Variants in ROR2 observed in about 807,000 individuals in gnomAD.
ROR2 encodes tyrosine-protein kinase transmembrane receptor ROR2.
Under a neutral mutation model 74.9 loss-of-function variants are expected in ROR2, and 33 were observed. The ratio of observed to expected loss-of-function variants is 0.44; its 90% CI spans 0.33 to 0.59. The LOEUF (loss-of-function observed/expected upper bound fraction) is 0.59, where lower values mean the gene tolerates loss of function less well. Among genes scored for constraint, ROR2 ranks in the 20% least tolerant of loss-of-function variants. The pLI is 0.02. For missense variants in ROR2, 1,216 were observed against 1,313.8 expected, an observed-to-expected ratio of 0.93 and a Z score of 1.15; for synonymous variants, 586 against 558.7, an observed-to-expected ratio of 1.05 and a Z score of -0.69.
intron 1 of ROR2, among the ~76,000 whole-genome samples, chr9:91,842,694 T>G (rs1828819057): frequency 6.6e-6 from 1 of 152,232 alleles, no homozygotes; most frequent in Admixed American, 6.5e-5. Flanking sequence ...ATTCCACCTC[T>G]GGAATCAGAG....
At chr9:91,756,233 G>C in intron 3 of ROR2, 132 bp from the exon 4 acceptor site, 1 of 804,566 alleles carries the variant, frequency 1.2e-6, no homozygotes, top group South Asian at 1.4e-5. Flanking sequence ...TCGGGCCTCA[G>C]GCTCCACTCG....
At chr9:91,900,024 T>C (rs1830632184) in intron 1 of ROR2, among the ~76,000 whole-genome samples, 1 of 152,334 alleles carries the variant, frequency 6.6e-6, no homozygotes, top group East Asian at 1.9e-4. Context: ...AGTAAAACAT[T>C]AATCGATAAG....
At chr9:91,778,748 C>T (rs1034954728) in intron 1 of ROR2, among the ~76,000 whole-genome samples, 5 of 152,162 alleles carry the variant, frequency 3.3e-5, no homozygotes, top group African/African-American at 1.2e-4. Flanking sequence ...GTATGACAGG[C>T]ACAGTGCCCT....
At chr9:91,860,513 C>T (rs1371420106) in intron 1 of ROR2, among the ~76,000 whole-genome samples, 1 of 152,192 alleles carries the variant, frequency 6.6e-6, no homozygotes, top group African/African-American at 2.4e-5. Flanking sequence ...GGAACTGGCT[C>T]ACAGCGATCA....
At chr9:91,844,841 G>GC (rs1367618325) in intron 1 of ROR2, among the ~76,000 whole-genome samples, 1 of 152,116 alleles carries the variant, frequency 6.6e-6, no homozygotes, top group Non-Finnish European at 1.5e-5. Flanking sequence ...AGCAAGCCTC[G>GC]CCCCAGGTCC....
intron 1 of ROR2, among the ~76,000 whole-genome samples, chr9:91,815,873 G>T (rs533868139): frequency 1.2e-3 from 179 of 152,248 alleles, no homozygotes; most frequent in African/African-American, 4.0e-3. Flanking sequence ...AACCATCAGC[G>T]CCCGTGGAAG....
chr9:91,837,518 C>T (rs1459663559), intron 1 of ROR2, among the ~76,000 whole-genome samples: 2 of 152,190 alleles, frequency 1.3e-5, no homozygotes, highest in African/African-American at 4.8e-5. Context: ...AGAAGCCTTG[C>T]CATATTAAAA....
intron 1 of ROR2, among the ~76,000 whole-genome samples, chr9:91,847,480 G>A (rs889215270): frequency 1.3e-5 from 2 of 152,130 alleles, no homozygotes; most frequent in African/African-American, 4.8e-5. Context: ...CCCCCAGAAA[G>A]GGCTCCCTAA....
rs74425231 is a variant in ROR2 at position 91,863,609 on chromosome 9, G to A, written c.97+86258C>T. The stretch of plus-strand genomic sequence containing the variant: ...AGCCATTAAAACAGGCTACAACATG[G>A]ATGAAGCTTGGGAACCTTATGCTCA... On this transcript the variant is annotated intron_variant, in intron 1 of 8. Coordinates refer to ENST00000375708, the MANE Select transcript of ROR2 (RefSeq NM_004560.4). Among the ~76,000 whole-genome samples, 155 of 152,322 alleles carry A rather than the reference G, an allele frequency of 1.0e-3. 1 individual carries two copies. The East Asian group carries it at 0.027, about 27-fold the overall frequency.
intron 1 of ROR2, chr9:91,948,721 A>T (rs1832078549): frequency 2.0e-6 from 2 of 985,398 alleles, no homozygotes; most frequent in Admixed American, 1.2e-4. Flanking sequence ...ACCTTCCTGC[A>T]GGAGTGCAGG....
intron 7 of ROR2, among the ~76,000 whole-genome samples, chr9:91,727,453 A>G (rs181169566): frequency 1.3e-5 from 2 of 151,662 alleles, no homozygotes; most frequent in East Asian, 3.9e-4. Context: ...CTCCCTCTAC[A>G]GGATTTACAG....
At chr9:91,736,759 A>G (rs936920928) in intron 5 of ROR2, among the ~76,000 whole-genome samples, 2 of 152,186 alleles carry the variant, frequency 1.3e-5, no homozygotes. Context: ...CAATCAGAGA[A>G]GTTAAGTCCT....
At chr9:91,840,737 ACT>A (rs1169955934) in intron 1 of ROR2, among the ~76,000 whole-genome samples, 1 of 151,942 alleles carries the variant, frequency 6.6e-6, no homozygotes, top group East Asian at 1.9e-4. Flanking sequence ...AGCCTGGGTG[ACT>A]CTCTCAACTG....
chr9:91,779,463 C>A (rs1460855224), intron 1 of ROR2, among the ~76,000 whole-genome samples: 3 of 151,500 alleles, frequency 2.0e-5, no homozygotes, highest in Non-Finnish European at 2.9e-5. Flanking sequence ...CTCTGCCTCC[C>A]GGGTCCAAGC....
chr9:91,931,250 T>C (rs1831542266), intron 1 of ROR2, among the ~76,000 whole-genome samples: 1 of 152,224 alleles, frequency 6.6e-6, no homozygotes, highest in Non-Finnish European at 1.5e-5. Context: ...AATTTTTAAA[T>C]GGCAACGATG....
chr9:91,725,583 C>T (rs542254586), intron 8 of ROR2, among the ~76,000 whole-genome samples: 20 of 152,182 alleles, frequency 1.3e-4, no homozygotes, highest in Non-Finnish European at 2.9e-4. Flanking sequence ...ACATTTTTGT[C>T]TTGGCAATTT....
intron 1 of ROR2, among the ~76,000 whole-genome samples, chr9:91,839,208 T>C (rs890781445): frequency 1.3e-5 from 2 of 151,674 alleles, no homozygotes; most frequent in African/African-American, 2.4e-5. Flanking sequence ...CCAAAACACC[T>C]CCTCCAATAT....
At chr9:91,760,432 G>A (rs1386115237) in intron 2 of ROR2, among the ~76,000 whole-genome samples, 4 of 152,114 alleles carry the variant, frequency 2.6e-5, no homozygotes, top group African/African-American at 9.7e-5. Flanking sequence ...AGGAGATGGA[G>A]ACAATCCTGG....
chr9:91,724,590 C>A lies in ROR2; in HGVS notation c.1904G>T (p.Gly635Val). 1 of 1,614,086 alleles carries A rather than the reference C, an allele frequency of 6.2e-7. No individual in the cohort carries two copies. Among genetic ancestry groups the A allele is most frequent in the Non-Finnish European group, 8.5e-7 (1 of 1,180,022 alleles). Residue 635 changes from glycine to valine, a missense_variant, in exon 9 of 9, where the codon GGC (glycine) becomes GTC (valine). Transcript: ENST00000375708. ...GGCGGCATACACCTCTCGGAAGAGG[C>A]CCAAGTCTGAGATCTTCACGTTCAG... ...DKLNVKISDL[G>V]LFREVYAADY...
Sources: gnomAD v4.1 joint callset for allele counts (sites outside exome capture counted in the v4.1 genomes callset) on GRCh38, gnomAD v4.1.1 for gene constraint, MANE v1.5 for transcripts, NCBI Gene and HGNC (gene_info 2026-07-23, HGNC 2026-07-21) for gene names.